The following FOCAD variants were observed in gnomAD, a reference collection of about 807,000 sequenced individuals.
FOCAD encodes KIAA1797.
Under a neutral mutation model 225.6 loss-of-function variants are expected in FOCAD, and 198 were observed. The observed-to-expected ratio is 0.88, with a 90% confidence interval of 0.78 to 0.99. The LOEUF is 0.99. FOCAD is among the 50% of genes least tolerant of loss of function. The pLI is 0.00. For synonymous variants in FOCAD, 897 were observed against 755.0 expected (o/e 1.19, Z -3.08); for missense variants, 2,713 against 2,123.6 (o/e 1.28, Z -5.46).
intron 16 of FOCAD, 31 bp from the exon 17 acceptor site, chr9:20,865,895 C>T: frequency 6.4e-7 from 1 of 1,551,110 alleles, no homozygotes; most frequent in South Asian, 1.2e-5. Context: ...TTGGTCTTAA[C>T]AATTTATTCT....
chr9:20,885,087 G>T, intron 20 of FOCAD, 22 bp from the exon 21 acceptor site: 1 of 1,308,458 alleles, frequency 7.6e-7, no homozygotes, highest in Non-Finnish European at 1.0e-6. Context: ...ATAAAATAAA[G>T]TCTATATAAT....
intron 11 of FOCAD, among the ~76,000 whole-genome samples, chr9:20,815,941 TG>T (rs2131382961): frequency 6.6e-6 from 1 of 152,330 alleles, no homozygotes; most frequent in East Asian, 1.9e-4. Context: ...TATCTATATC[TG>T]TGTTTTCCTA....
chr9:20,821,996 TAAAA>T (rs58640962), intron 14 of FOCAD, among the ~76,000 whole-genome samples: 3,119 of 49,264 alleles, frequency 0.063, 41 homozygotes, highest in African/African-American at 0.11. Context: ...TAAAAGTTAC[TAAAA>T]AAAAAAAAAA....
intron 2 of FOCAD, among the ~76,000 whole-genome samples, chr9:20,716,902 C>A (rs757246376): frequency 4.6e-5 from 7 of 152,156 alleles, no homozygotes; most frequent in Admixed American, 6.6e-5. Context: ...CACTGTATAT[C>A]ATAGACTAAT....
At chr9:20,916,713 A>T (rs537142198) in intron 23 of FOCAD, among the ~76,000 whole-genome samples, 180 bp from the exon 24 acceptor site, 5 of 152,328 alleles carry the variant, frequency 3.3e-5, no homozygotes, top group South Asian at 2.1e-4. Context: ...GAACAGGAAG[A>T]TGAAGCTATC....
chr9:20,905,228 T>C (rs1832860082), intron 21 of FOCAD, among the ~76,000 whole-genome samples: 1 of 152,018 alleles, frequency 6.6e-6, no homozygotes, highest in Non-Finnish European at 1.5e-5. Flanking sequence ...CACCTTCAGC[T>C]GTGGTTGAAG....
intron 5 of FOCAD, among the ~76,000 whole-genome samples, chr9:20,747,588 C>T (rs1587002004): frequency 6.6e-6 from 1 of 152,106 alleles, no homozygotes; most frequent in Non-Finnish European, 1.5e-5. Flanking sequence ...CGTTATCAGT[C>T]ATTCCCCAAT....
chr9:20,899,377 C>G (rs573905663), intron 21 of FOCAD, among the ~76,000 whole-genome samples: 2 of 151,874 alleles, frequency 1.3e-5, no homozygotes, highest in Non-Finnish European at 2.9e-5. Context: ...TCAGGTTTTC[C>G]TGCCCCAGCC....
intron 11 of FOCAD, among the ~76,000 whole-genome samples, chr9:20,815,181 C>CTGGA (rs1404868498): frequency 8.9e-6 from 1 of 112,706 alleles, no homozygotes; most frequent in Non-Finnish European, 1.7e-5. Flanking sequence ...GTCTCCCAGG[C>CTGGA]TGGAGTGCAG....
intron 7 of FOCAD, among the ~76,000 whole-genome samples, chr9:20,769,493 A>G (rs1030323032): frequency 2.6e-5 from 4 of 152,198 alleles, no homozygotes; most frequent in East Asian, 3.9e-4. Context: ...TATCTAATAC[A>G]TTAGCCTGTT....
At chr9:20,865,460 G>A (rs940568909) in intron 16 of FOCAD, among the ~76,000 whole-genome samples, 1 of 152,036 alleles carries the variant, frequency 6.6e-6, no homozygotes, top group African/African-American at 2.4e-5. Context: ...CATCTTTGAG[G>A]AACTGTGTGG....
chr9:20,837,613 A>G (rs1306756121), intron 15 of FOCAD, among the ~76,000 whole-genome samples: 2 of 152,076 alleles, frequency 1.3e-5, no homozygotes, highest in Non-Finnish European at 2.9e-5. Context: ...GAAGTAGGGC[A>G]GTAGACAAAA....
intron 4 of FOCAD, among the ~76,000 whole-genome samples, chr9:20,732,185 T>C (rs1014974695): frequency 6.6e-6 from 1 of 152,190 alleles, no homozygotes; most frequent in Non-Finnish European, 1.5e-5. Flanking sequence ...ATTGCACTCA[T>C]GATGCTTTTG....
chr9:20,770,754 T>C lies in FOCAD; in HGVS notation c.906+516T>C, dbSNP rs142705135. Among the ~76,000 whole-genome samples, 485 of 152,342 alleles carry C rather than the reference T, an allele frequency of 3.2e-3. 1 individual carries two copies. The highest frequency in any genetic ancestry group is 8.8e-3 in the African/African-American group (366 of 41,590). Reference sequence around the variant, plus strand: ...TCATTTAGTTTGCATATTAGAGGCATTTTGATCTAATACCATTAGCGCATA... The same window carrying C: ...TCATTTAGTTTGCATATTAGAGGCACTTTGATCTAATACCATTAGCGCATA... On this transcript the variant is annotated intron_variant, in intron 8 of 43. Transcript: ENST00000338382.
intron 24 of FOCAD, among the ~76,000 whole-genome samples, chr9:20,919,616 A>G (rs555289363): frequency 6.6e-6 from 1 of 152,310 alleles, no homozygotes; most frequent in African/African-American, 2.4e-5. Context: ...AAACAGAGAT[A>G]TACACCAACG....
rs1419563560 is a variant in FOCAD, at chr9:20,944,706, G to A, written c.3487G>A (p.Ala1163Thr). The A allele has an allele frequency of 2.5e-6, 4 of 1,613,990 alleles. No individual in the cohort carries two copies. The highest frequency in any genetic ancestry group is 1.3e-5 in the African/African-American group (1 of 74,924). ...CCAAATGCAGTCCCGCGTTCACGTA[G>A]CAGCATTGCTCCGGAAGCTGTCTGC... ...SSQMQSRVHV[A>T]ALLRKLSAHV... Residue 1163 changes from alanine to threonine, a missense_variant, in exon 29 of 44, where the codon GCA becomes ACA. Transcript: ENST00000338382.
At chr9:20,820,293 A>G in intron 12 of FOCAD, 31 bp from the exon 13 acceptor site, 7 of 1,527,504 alleles carry the variant, frequency 4.6e-6, no homozygotes, top group South Asian at 2.4e-5. Context: ...ATTCAAGTTT[A>G]TGCAACTAGA....
chr9:20,949,775 A>C, intron 33 of FOCAD, 100 bp downstream of exon 33: 1 of 1,048,472 alleles, frequency 9.5e-7, no homozygotes, highest in Non-Finnish European at 1.5e-6. Flanking sequence ...GGAAAATGGG[A>C]AAGTCTCTGG....
chr9:20,767,105 G>C (rs963874477), intron 7 of FOCAD, among the ~76,000 whole-genome samples: 2 of 150,790 alleles, frequency 1.3e-5, no homozygotes, highest in Non-Finnish European at 3.0e-5. Context: ...ATAGTTTACT[G>C]AGAATGATGA....
Sources: allele counts gnomAD v4.1 joint callset (sites outside exome capture counted in the v4.1 genomes callset), GRCh38; gene constraint gnomAD v4.1.1; transcripts MANE v1.5; gene names NCBI Gene and HGNC (gene_info 2026-07-23, HGNC 2026-07-21).